Variants in PRR5L observed in about 807,000 individuals in gnomAD.
PRR5L encodes proline-rich protein 5-like.
A neutral mutation model predicts 36.4 loss-of-function variants in PRR5L; 21 were observed. The ratio of observed to expected loss-of-function variants is 0.58; its 90% confidence interval spans 0.41 to 0.83. The LOEUF (loss-of-function observed/expected upper bound fraction) is 0.83, where lower values mean the gene tolerates loss of function less well. PRR5L is among the 40% of genes least tolerant of loss of function. The probability of loss-of-function intolerance (pLI) is 0.00; values close to 1 mark genes in which losing one functional copy is unlikely to be tolerated. For synonymous variants in PRR5L, 188 were observed against 197.0 expected, an observed-to-expected ratio of 0.95 and a Z score of 0.38; for missense variants, 381 against 473.3, an observed-to-expected ratio of 0.80 and a Z score of 1.81.
intron 3 of PRR5L, among the ~76,000 whole-genome samples, chr11:36,406,101 G>T (rs996227578): frequency 7.1e-6 from 1 of 139,908 alleles, no homozygotes; most frequent in African/African-American, 3.1e-5. Flanking sequence ...GATGGTTCCT[G>T]ATCTTTTTTT....
chr11:36,315,137 C>G (rs1392990364), intron 1 of PRR5L, among the ~76,000 whole-genome samples: 2 of 152,138 alleles, frequency 1.3e-5, no homozygotes, highest in Non-Finnish European at 2.9e-5. Flanking sequence ...GCACTAGGAA[C>G]TTTTGCAAGT....
chr11:36,391,380 A>G (rs1857562082), intron 1 of PRR5L, among the ~76,000 whole-genome samples: 1 of 152,204 alleles, frequency 6.6e-6, no homozygotes, highest in South Asian at 2.1e-4. Context: ...GTGAGGAGAA[A>G]GTGAGATGAC....
intron 3 of PRR5L, 24 bp from the exon 4 acceptor site, chr11:36,419,231 G>A (rs1166769485): frequency 1.2e-6 from 2 of 1,612,566 alleles, no homozygotes; most frequent in Admixed American, 1.7e-5. Flanking sequence ...GCTTGACGGT[G>A]TTTCTCTTCT....
At chr11:36,394,034 T>C (rs1857610485) in intron 1 of PRR5L, 1 of 152,230 alleles carries the variant, frequency 6.6e-6, no homozygotes, top group Non-Finnish European at 1.5e-5. Flanking sequence ...ATTTCTGTTG[T>C]GTAAGCCATG....
In PRR5L at chr11:36,377,167, G is replaced by C. The variant is rs1259240236; in HGVS notation, c.-125-23830G>C. 2.0e-5 allele frequency among the ~76,000 whole-genome samples: 3 copies of C among 152,196 alleles called. No homozygotes were observed. The highest frequency in any genetic ancestry group is 6.5e-5 in the Admixed American group (1 of 15,290). On this transcript the variant is annotated intron_variant, in intron 1 of 8. Coordinates refer to ENST00000530639, the MANE Select transcript of PRR5L (RefSeq NM_001160167.2). This position sits in a 1 kb window ranked among gnomAD's most constrained non-coding sequence, Gnocchi z 5.1. ...TTCGCGCCTGCAGCAGCCTTTTCCC[G>C]GCGGTCCCCCTTTTTCTGGAGGGAG...
At chr11:36,392,939 A>C (rs1857592001) in intron 1 of PRR5L, among the ~76,000 whole-genome samples, 1 of 152,118 alleles carries the variant, frequency 6.6e-6, no homozygotes, top group African/African-American at 2.4e-5. Context: ...ATGATGTTGC[A>C]CATCTTTTCA....
intron 1 of PRR5L, among the ~76,000 whole-genome samples, chr11:36,372,456 T>C (rs1164886114): frequency 6.6e-6 from 1 of 152,218 alleles, no homozygotes; most frequent in Admixed American, 6.5e-5. Context: ...TTTATCTCAA[T>C]AGTGTTCAAA....
chr11:36,351,931 G>A (rs1022274795), intron 1 of PRR5L, among the ~76,000 whole-genome samples: 1 of 150,912 alleles, frequency 6.6e-6, no homozygotes, highest in Non-Finnish European at 1.5e-5. Context: ...TTTCCTCTGG[G>A]TAGAAACCCA....
At chr11:36,351,529 TTATATAAA>T (rs1429202397) in intron 1 of PRR5L, among the ~76,000 whole-genome samples, 1,199 of 30,510 alleles carry the variant, frequency 0.039, 336 homozygotes, top group African/African-American at 0.23. Context: ...ATTTATATAT[TTATATAAA>T]TATATATTTA....
At chr11:36,314,527 A>G (rs1326751996) in intron 1 of PRR5L, among the ~76,000 whole-genome samples, 2 of 152,170 alleles carry the variant, frequency 1.3e-5, no homozygotes, top group African/African-American at 4.8e-5. Context: ...CTTCTCTCCA[A>G]AGTCCCACTT....
At chr11:36,446,625 A>C (rs959076717) in intron 7 of PRR5L, among the ~76,000 whole-genome samples, 185 bp downstream of exon 7, 1 of 152,152 alleles carries the variant, frequency 6.6e-6, no homozygotes, top group African/African-American at 2.4e-5. Context: ...TTCACTGAGC[A>C]CCTGTTAGGT....
At chr11:36,415,851 C>G (rs1437552946) in intron 3 of PRR5L, among the ~76,000 whole-genome samples, 1 of 152,152 alleles carries the variant, frequency 6.6e-6, no homozygotes, top group Non-Finnish European at 1.5e-5. Context: ...ATGGGGAAAC[C>G]CCTTCATATA....
intron 1 of PRR5L, 33 bp from the exon 2 acceptor site, chr11:36,400,964 G>T: frequency 7.0e-7 from 1 of 1,421,708 alleles, no homozygotes; most frequent in Non-Finnish European, 9.2e-7. Context: ...CTCAGGCCAG[G>T]AGTTCTCAAT....
chr11:36,439,515 A>G (rs1019899828), intron 6 of PRR5L, among the ~76,000 whole-genome samples: 2 of 152,134 alleles, frequency 1.3e-5, no homozygotes, highest in Non-Finnish European at 2.9e-5. Context: ...CGAGTTTGCC[A>G]TGGCCCCCAC....
intron 1 of PRR5L, among the ~76,000 whole-genome samples, chr11:36,328,169 A>G (rs76353349): frequency 0.096 from 14,640 of 152,274 alleles, 1,291 homozygotes; most frequent in African/African-American, 0.24. Context: ...GTCTTATACT[A>G]TCACAATAGG....
chr11:36,430,561 A>G (rs909852376), intron 4 of PRR5L, among the ~76,000 whole-genome samples: 1 of 152,218 alleles, frequency 6.6e-6, no homozygotes, highest in Non-Finnish European at 1.5e-5. Flanking sequence ...CATTTTATAA[A>G]GGCCCATTCA....
intron 5 of PRR5L, among the ~76,000 whole-genome samples, chr11:36,436,431 G>A (rs1858607212): frequency 6.6e-6 from 1 of 152,226 alleles, no homozygotes; most frequent in African/African-American, 2.4e-5. Flanking sequence ...TGGGTGACCT[G>A]TGTGCTCTCC....
chr11:36,435,146 T>C (rs565028191), intron 5 of PRR5L, among the ~76,000 whole-genome samples: 1 of 152,242 alleles, frequency 6.6e-6, no homozygotes, highest in South Asian at 2.1e-4. Context: ...TTCACCTTGG[T>C]TCTAGGAACC....
intron 7 of PRR5L, among the ~76,000 whole-genome samples, chr11:36,446,642 G>A (rs1590600655): frequency 6.6e-6 from 1 of 152,202 alleles, no homozygotes; most frequent in East Asian, 1.9e-4. Context: ...AGGTCCTGGT[G>A]CTGTGCTTGG....
Sources: gnomAD v4.1 joint callset for allele counts (sites outside exome capture counted in the v4.1 genomes callset) on GRCh38, gnomAD v4.1.1 for gene constraint, Gnocchi (gnomAD v3.1) non-coding constraint, MANE v1.5 for transcripts, NCBI Gene and HGNC (gene_info 2026-07-23, HGNC 2026-07-21) for gene names.